XXYLT1: variants seen among roughly 807,000 people sequenced by gnomAD.
The protein encoded by XXYLT1 is UDP-xylose:alpha-xyloside alpha-1,3-xylosyltransferase.
XXYLT1 carries 20 observed loss-of-function variants against 28.9 expected under a neutral mutation model. That is an observed-to-expected ratio of 0.69 (90% confidence interval 0.49 to 1.00). XXYLT1 has a LOEUF of 1.00. Ranked by LOEUF, XXYLT1 falls within the 50% of genes least tolerant of loss-of-function variation. The pLI, the probability that XXYLT1 is intolerant of heterozygous loss-of-function variation, is 0.00. For synonymous variants in XXYLT1, 257 were observed against 253.8 expected, an observed-to-expected ratio of 1.01 and a Z score of -0.12; for missense variants, 542 against 560.1, an observed-to-expected ratio of 0.97 and a Z score of 0.33.
At position 195,265,566 on chromosome 3, in the gene XXYLT1, G is replaced by A. The variant is rs546454364; in HGVS notation, c.504+4989C>T. ...CAAGCAGTGGCTGGTGGGCCCCACC[G>A]CCTCTGCAGAGAGCTGGCCAGCATG... On this transcript the variant is annotated intron_variant, in intron 1 of 3. Transcript: ENST00000310380. Among the ~76,000 whole-genome samples, 271 of 152,300 alleles carry A rather than the reference G, an allele frequency of 1.8e-3. 1 individual carries two copies. Among genetic ancestry groups the A allele is most frequent in the Middle Eastern group, 6.8e-3 (2 of 294 alleles).
At chr3:195,107,401 G>A (rs1287392214) in intron 3 of XXYLT1, among the ~76,000 whole-genome samples, 12 of 145,788 alleles carry the variant, frequency 8.2e-5, no homozygotes, top group African/African-American at 3.1e-4. Context: ...TTGAACCCAG[G>A]AGGTGGAGCT....
At chr3:195,141,477 T>C (rs1719485208) in intron 3 of XXYLT1, among the ~76,000 whole-genome samples, 1 of 152,228 alleles carries the variant, frequency 6.6e-6, no homozygotes, top group African/African-American at 2.4e-5. Context: ...ACCCCGTATA[T>C]GACCTCAACT....
chr3:195,224,097 A>G (rs1723945304), intron 2 of XXYLT1, among the ~76,000 whole-genome samples: 1 of 152,218 alleles, frequency 6.6e-6, no homozygotes, highest in Non-Finnish European at 1.5e-5. Context: ...CAGAGGTTGC[A>G]GTGAGCCGAG....
intron 2 of XXYLT1, among the ~76,000 whole-genome samples, chr3:195,190,569 G>T (rs1722380772): frequency 6.7e-6 from 1 of 148,190 alleles, no homozygotes; most frequent in African/African-American, 2.5e-5. Context: ...ATGGTAACTT[G>T]TGTCCACAGG....
Position 195,076,544 on chromosome 3 carries a change from G to C in XXYLT1, c.786-6433C>G, listed in dbSNP as rs1490908365. 6.6e-6 allele frequency among the ~76,000 whole-genome samples: 1 copy of C among 152,154 alleles called. No homozygotes were observed. The highest frequency in any genetic ancestry group is 1.5e-5 in the Non-Finnish European group (1 of 68,022). ...CTCATTTTTACCTAAAGACCACTGG[G>C]CTCTGTTAGTTCGCTAGGGCTGCCA... On this transcript the variant is annotated intron_variant, in intron 3 of 3. Coordinates refer to ENST00000310380, the MANE Select transcript of XXYLT1 (RefSeq NM_152531.5). This position sits in a 1 kb window ranked among gnomAD's most constrained non-coding sequence, Gnocchi z 5.3.
chr3:195,090,716 CA>C (rs1716082988), intron 3 of XXYLT1, among the ~76,000 whole-genome samples: 1 of 146,534 alleles, frequency 6.8e-6, no homozygotes, highest in Admixed American at 6.7e-5. Context: ...AAAAACCCTT[CA>C]AAAAATTAAT....
intron 3 of XXYLT1, among the ~76,000 whole-genome samples, chr3:195,120,008 C>T (rs933798074): frequency 4.6e-5 from 7 of 152,132 alleles, no homozygotes; most frequent in Admixed American, 1.3e-4. Context: ...GATTCCTGCT[C>T]GTGACTGGGG....
intron 1 of XXYLT1, among the ~76,000 whole-genome samples, chr3:195,263,686 A>C (rs143367309): frequency 0.011 from 1,720 of 152,266 alleles, 17 homozygotes; most frequent in South Asian, 0.024. Flanking sequence ...GGTGAGAGAA[A>C]ACAGACAAGG....
chr3:195,101,958 G>GGGGAGGGGACGGGGGA (rs1716804064), intron 3 of XXYLT1, among the ~76,000 whole-genome samples: 1 of 52,202 alleles, frequency 1.9e-5, no homozygotes, highest in African/African-American at 8.5e-5. Context: ...AGGGAGGGGA[G>GGGGAGGGGACGGGGGA]GGGAGGGGAC....
At chr3:195,159,424 T>C (rs1489314447) in intron 2 of XXYLT1, among the ~76,000 whole-genome samples, 1 of 152,180 alleles carries the variant, frequency 6.6e-6, no homozygotes, top group Non-Finnish European at 1.5e-5. Flanking sequence ...CTGTGTTTAT[T>C]AGCCCCGTCA....
intron 1 of XXYLT1, chr3:195,270,329 G>C: frequency 9.6e-7 from 1 of 1,046,536 alleles, no homozygotes; most frequent in Non-Finnish European, 1.3e-6. Context: ...AAACGAGGCG[G>C]TCATTAAAAA....
chr3:195,256,526 T>C lies in XXYLT1; in HGVS notation c.504+14029A>G. 2.0e-6 allele frequency: 2 copies of C among 985,306 alleles called. No individual in the cohort carries two copies. Among genetic ancestry groups the C allele is most frequent in the Non-Finnish European group, 2.4e-6 (2 of 829,900 alleles). The allele number at this position is 985,306 out of a possible 1,614,324, so 61.0% of individuals were successfully genotyped here. A position where few individuals can be genotyped will look rare whatever the true frequency, so the allele number is the denominator to read the frequency against. On this transcript the variant is annotated intron_variant, in intron 1 of 3. Transcript: ENST00000310380. This position sits in a 1 kb window ranked among gnomAD's most constrained non-coding sequence, Gnocchi z 4.2. The stretch of plus-strand genomic sequence containing the variant: ...TCACCTAGGGTCATTCCAGGGATTA[T>C]CCCAGAAAGAGGGGAAGAGCAGCCT...
intron 2 of XXYLT1, among the ~76,000 whole-genome samples, chr3:195,189,677 T>A (rs1450268642): frequency 6.6e-6 from 1 of 151,732 alleles, no homozygotes; most frequent in Admixed American, 6.6e-5. Context: ...AGAAAAAAAG[T>A]CAAAGAAAAA....
chr3:195,206,082 T>A (rs2108771916), intron 2 of XXYLT1, among the ~76,000 whole-genome samples: 1 of 148,178 alleles, frequency 6.7e-6, no homozygotes, highest in East Asian at 2.0e-4. Flanking sequence ...TGGAGTGCAG[T>A]GGCACGATCT....
intron 3 of XXYLT1, among the ~76,000 whole-genome samples, chr3:195,142,110 G>T (rs1247499239): frequency 2.0e-5 from 3 of 152,082 alleles, no homozygotes; most frequent in African/African-American, 7.2e-5. Flanking sequence ...CCCCTGCCTT[G>T]GTTCCCTCCC....
intron 2 of XXYLT1, among the ~76,000 whole-genome samples, chr3:195,181,879 G>A (rs62285233): frequency 0.098 from 14,969 of 152,252 alleles, 1,328 homozygotes; most frequent in East Asian, 0.47. Context: ...AGCTCCTAAT[G>A]AGCTTCCGTA....
rs920089065 is a variant in XXYLT1, at chr3:195,133,007, T to C, written c.785+23442A>G. Reference sequence around the variant, plus strand: ...GCAGAAGTAACTACATTCTGTAAACTGAATCGTCCTGCTGAGTTCTAGTGA... The same window carrying C: ...GCAGAAGTAACTACATTCTGTAAACCGAATCGTCCTGCTGAGTTCTAGTGA... On this transcript the variant is annotated intron_variant, in intron 3 of 3. Coordinates refer to ENST00000310380, the MANE Select transcript of XXYLT1 (RefSeq NM_152531.5). This position sits in a 1 kb window ranked among gnomAD's most constrained non-coding sequence, Gnocchi z 4.4. 1.3e-5 allele frequency among the ~76,000 whole-genome samples: 2 copies of C among 152,216 alleles called. No homozygotes were observed. Among genetic ancestry groups the C allele is most frequent in the African/African-American group, 4.8e-5 (2 of 41,446 alleles).
intron 3 of XXYLT1, among the ~76,000 whole-genome samples, chr3:195,108,547 T>G (rs1417320469): frequency 6.6e-6 from 1 of 152,248 alleles, no homozygotes; most frequent in African/African-American, 2.4e-5. Context: ...AGAAATGCAT[T>G]GTTAGGTGAT....
intron 3 of XXYLT1, among the ~76,000 whole-genome samples, chr3:195,108,994 C>T (rs1351613328): frequency 6.6e-6 from 1 of 152,158 alleles, no homozygotes; most frequent in Non-Finnish European, 1.5e-5. Flanking sequence ...CCTGTATTTT[C>T]TTTAGTTCTC....
Sources: gnomAD v4.1 joint callset for allele counts (sites outside exome capture counted in the v4.1 genomes callset) on GRCh38, gnomAD v4.1.1 for gene constraint, Gnocchi (gnomAD v3.1) non-coding constraint, MANE v1.5 for transcripts, NCBI Gene and HGNC (gene_info 2026-07-23, HGNC 2026-07-21) for gene names.